The following PKNOX1 variants were observed in gnomAD, a reference collection of about 807,000 sequenced individuals.
The protein encoded by PKNOX1 is homeobox protein PKNOX1.
PKNOX1 carries 15 observed loss-of-function variants against 51.9 expected under a neutral mutation model. The ratio of observed to expected loss-of-function variants is 0.29; its 90% confidence interval spans 0.19 to 0.45. The LOEUF (loss-of-function observed/expected upper bound fraction) is 0.45, where lower values mean the gene tolerates loss of function less well. Among genes scored for constraint, PKNOX1 ranks in the 20% least tolerant of loss-of-function variants. The probability of loss-of-function intolerance (pLI) is 1.00; values close to 1 mark genes in which losing one functional copy is unlikely to be tolerated. For missense variants in PKNOX1, 462 were observed against 547.5 expected (o/e 0.84, Z 1.56); for synonymous variants, 219 against 211.1 (o/e 1.04, Z -0.32).
intron 5 of PKNOX1, among the ~76,000 whole-genome samples, chr21:43,014,224 T>C (rs1159151450): frequency 2.0e-5 from 3 of 152,072 alleles, no homozygotes; most frequent in Non-Finnish European, 4.4e-5. Context: ...GGTTTCACCG[T>C]ATTAGCCAGG....
intron 1 of PKNOX1, among the ~76,000 whole-genome samples, chr21:42,987,404 A>ATATATATATATAT (rs1555858104): frequency 7.2e-5 from 3 of 41,408 alleles, no homozygotes; most frequent in Non-Finnish European, 9.6e-5. Context: ...AAAAAAAAAA[A>ATATATATATATAT]ATATATATAT....
rs1979732369 is a variant in PKNOX1 at position 43,021,101 on chromosome 21, C to A, written c.721-202C>A. 2 of 396,514 alleles carry A rather than the reference C, an allele frequency of 5.0e-6. No individual in the cohort carries two copies. Among genetic ancestry groups the A allele is most frequent in the Non-Finnish European group, 9.3e-6 (2 of 214,434 alleles). 24.6% of individuals were successfully genotyped at this position (396,514 alleles called of 1,614,324 possible). ...TCCAGCCTGAGTGACAGAGCAAGAT[C>A]CTGTCTCAAAAAAAAGAAAGGCTGG... On this transcript the variant is annotated intron_variant, in intron 7 of 10. Coordinates refer to ENST00000291547, the MANE Select transcript of PKNOX1 (RefSeq NM_004571.5). This position sits in a 1 kb window ranked among gnomAD's most constrained non-coding sequence, Gnocchi z 4.6.
chr21:43,004,465 CA>C, intron 2 of PKNOX1, 33 bp downstream of exon 2: 1 of 1,444,794 alleles, frequency 6.9e-7, no homozygotes, highest in Non-Finnish European at 9.7e-7. Context: ...ATTCTAATTA[CA>C]AATCAACCTG....
intron 1 of PKNOX1, among the ~76,000 whole-genome samples, chr21:42,988,459 C>T (rs1322755147): frequency 6.6e-6 from 1 of 152,162 alleles, no homozygotes; most frequent in South Asian, 2.1e-4. Flanking sequence ...GTGAGCTACT[C>T]TCCTTCAGCT....
intron 3 of PKNOX1, among the ~76,000 whole-genome samples, chr21:43,009,479 G>A (rs1448493337): frequency 2.0e-5 from 3 of 151,482 alleles, no homozygotes; most frequent in East Asian, 1.9e-4. Flanking sequence ...GCATCATGGC[G>A]GGTGCCTGTA....
At chr21:42,981,850 T>C (rs1260561008) in intron 1 of PKNOX1, among the ~76,000 whole-genome samples, 1 of 152,208 alleles carries the variant, frequency 6.6e-6, no homozygotes, top group Non-Finnish European at 1.5e-5. Context: ...TTCAGGATCA[T>C]GCAGGGATAA....
chr21:42,999,677 C>T (rs1376654889), intron 1 of PKNOX1, among the ~76,000 whole-genome samples: 1 of 151,990 alleles, frequency 6.6e-6, no homozygotes, highest in African/African-American at 2.4e-5. Context: ...GACGGGGTTT[C>T]TCCATGTTGG....
intron 1 of PKNOX1, among the ~76,000 whole-genome samples, chr21:42,995,072 C>A (rs1352651941): frequency 1.3e-5 from 2 of 152,000 alleles, no homozygotes; most frequent in African/African-American, 4.8e-5. Flanking sequence ...CAGGTGCCTG[C>A]CACCATATCC....
rs370122203 is a variant in PKNOX1 at position 43,003,813 on chromosome 21, G to A, written c.-56-513G>A. ...ACAGTGACTGAAAATGTAATAGCAAGTCAGGGCCTAGCACAGGAAAATAAG... is the reference window on the plus strand; with the variant it reads ...ACAGTGACTGAAAATGTAATAGCAAATCAGGGCCTAGCACAGGAAAATAAG... On this transcript the variant is annotated intron_variant, in intron 1 of 10. Transcript: ENST00000291547. 9 of 152,796 alleles carry A rather than the reference G, an allele frequency of 5.9e-5. No homozygotes were observed. In the South Asian group the frequency reaches 8.3e-4, roughly 14 times the overall value. 9.5% of individuals were successfully genotyped at this position (152,796 alleles called of 1,614,324 possible). A position where few individuals can be genotyped will look rare whatever the true frequency, so the allele number is the denominator to read the frequency against.
At chr21:42,997,535 A>G (rs977662927) in intron 1 of PKNOX1, among the ~76,000 whole-genome samples, 1 of 152,284 alleles carries the variant, frequency 6.6e-6, no homozygotes, top group Middle Eastern at 3.4e-3. Context: ...AGCTTCAGGA[A>G]GCATTTGTAT....
intron 10 of PKNOX1, 30 bp from the exon 11 acceptor site, chr21:43,029,860 A>G: frequency 6.3e-7 from 1 of 1,588,698 alleles, no homozygotes; most frequent in Non-Finnish European, 8.6e-7. Context: ...GTACTAATTT[A>G]AATAATGACA....
chr21:43,025,955 T>C (rs1979969311), intron 9 of PKNOX1, among the ~76,000 whole-genome samples: 1 of 152,238 alleles, frequency 6.6e-6, no homozygotes, highest in South Asian at 2.1e-4. Context: ...ATTTGCGTTA[T>C]TTCCTGTTAA....
intron 1 of PKNOX1, among the ~76,000 whole-genome samples, chr21:42,990,117 A>T (rs868300537): frequency 3.3e-5 from 5 of 151,852 alleles, no homozygotes; most frequent in Middle Eastern, 3.4e-3. Context: ...AAATAATAAT[A>T]ATAAGCGGAC....
At chr21:43,024,672 C>A (rs1435917944) in intron 8 of PKNOX1, 199 bp from the exon 9 acceptor site, 1 of 569,936 alleles carries the variant, frequency 1.8e-6, no homozygotes, top group Non-Finnish European at 3.1e-6. Context: ...TATGCACTAA[C>A]CAGCCACTGC....
intron 1 of PKNOX1, among the ~76,000 whole-genome samples, chr21:43,003,554 T>G (rs1978857915): frequency 6.6e-6 from 1 of 152,158 alleles, no homozygotes; most frequent in Admixed American, 6.5e-5. Context: ...AGTCTCGACG[T>G]AACAGCATCT....
Position 43,021,170 on chromosome 21 carries a change from G to A in PKNOX1, c.721-133G>A. 4.6e-6 allele frequency: 3 copies of A among 651,764 alleles called. No homozygotes were observed. The highest frequency in any genetic ancestry group is 2.0e-5 in the South Asian group (1 of 50,174). 40.4% of individuals were successfully genotyped at this position (651,764 alleles called of 1,614,324 possible). ...GTCCTGAAACATCAGTCCACACAGG[G>A]TTCCCGTGCATGGGCCTCGACTACA... On this transcript the variant is annotated intron_variant, in intron 7 of 10. Coordinates refer to ENST00000291547, the MANE Select transcript of PKNOX1 (RefSeq NM_004571.5). The surrounding 1 kb of genome is among the most constrained non-coding windows in gnomAD (Gnocchi z 4.6).
At position 43,033,080 on chromosome 21, in the gene PKNOX1, C is replaced by T. The variant is rs1980348794; in HGVS notation, c.*2979C>T. On this transcript the variant is annotated 3_prime_UTR_variant, in exon 11 of 11. Transcript: ENST00000291547. ...GCTCCTTTTGAATGTGTCTTGAGACCCAAATTGAGCATGTTGCTGTTATTC... is the reference window on the plus strand; with the variant it reads ...GCTCCTTTTGAATGTGTCTTGAGACTCAAATTGAGCATGTTGCTGTTATTC... The T allele has an allele frequency of 6.6e-6, 1 of 152,054 alleles. No individual in the cohort carries two copies. The highest frequency in any genetic ancestry group is 1.5e-5 in the Non-Finnish European group (1 of 68,010). 9.4% of individuals were successfully genotyped at this position (152,054 alleles called of 1,614,324 possible).
intron 2 of PKNOX1, among the ~76,000 whole-genome samples, chr21:43,004,899 C>T (rs1978921712): frequency 6.6e-6 from 1 of 152,186 alleles, no homozygotes; most frequent in African/African-American, 2.4e-5. Context: ...TTGTACCTTG[C>T]TCGTGCTTGG....
intron 1 of PKNOX1, among the ~76,000 whole-genome samples, chr21:42,989,944 C>T (rs1405358841): frequency 6.6e-6 from 1 of 151,942 alleles, no homozygotes; most frequent in Non-Finnish European, 1.5e-5. Flanking sequence ...ACAAAAAATA[C>T]AAAAGTAAAC....
Sources: gnomAD v4.1 joint callset for allele counts (sites outside exome capture counted in the v4.1 genomes callset) on GRCh38, gnomAD v4.1.1 for gene constraint, Gnocchi (gnomAD v3.1) non-coding constraint, MANE v1.5 for transcripts, NCBI Gene and HGNC (gene_info 2026-07-23, HGNC 2026-07-21) for gene names.